Variants in NAALADL2 observed in about 807,000 individuals in gnomAD.
NAALADL2 encodes the protein N-acetylated alpha-linked acidic dipeptidase like 2.
A neutral mutation model predicts 87.2 loss-of-function variants in NAALADL2; 76 were observed. That is an observed-to-expected ratio of 0.87 (90% CI 0.72 to 1.05). The LOEUF (loss-of-function observed/expected upper bound fraction) is 1.05. Ranked by LOEUF, NAALADL2 falls within the 50% of genes least tolerant of loss-of-function variation. The pLI is 0.00. For synonymous variants in NAALADL2, 354 were observed against 331.0 expected (o/e 1.07, Z -0.75); for missense variants, 1,089 against 945.8 (o/e 1.15, Z -1.99).
At chr3:175,006,049 A>G (rs1452911336) in intron 1 of NAALADL2, among the ~76,000 whole-genome samples, 2 of 152,142 alleles carry the variant, frequency 1.3e-5, no homozygotes, top group Non-Finnish European at 2.9e-5. Context: ...CTGAAATGAA[A>G]TCTGTGCTTC....
chr3:175,449,910 T>C (rs149864308), intron 6 of NAALADL2, among the ~76,000 whole-genome samples: 2 of 152,220 alleles, frequency 1.3e-5, no homozygotes, highest in South Asian at 2.1e-4. Flanking sequence ...AAAATTGTTA[T>C]GTTTTTTAAA....
intron 4 of NAALADL2, among the ~76,000 whole-genome samples, chr3:175,267,435 G>C (rs1484275107): frequency 2.0e-5 from 3 of 151,976 alleles, no homozygotes; most frequent in Non-Finnish European, 2.9e-5. Context: ...AAAACCCTCT[G>C]TTCACATTGC....
At chr3:174,897,034 T>G (rs1196286733) in intron 1 of NAALADL2, among the ~76,000 whole-genome samples, 1 of 152,186 alleles carries the variant, frequency 6.6e-6, no homozygotes, top group East Asian at 1.9e-4. Flanking sequence ...ATTAAAGACT[T>G]AAATCTAAGA....
At chr3:174,469,109 T>G (rs1716733112) in intron 1 of NAALADL2, among the ~76,000 whole-genome samples, 1 of 152,178 alleles carries the variant, frequency 6.6e-6, no homozygotes, top group South Asian at 2.1e-4. Flanking sequence ...TTTAAGTTAT[T>G]TGAGAAAGAG....
At chr3:174,501,956 T>C (rs1718926324) in intron 1 of NAALADL2, among the ~76,000 whole-genome samples, 1 of 152,118 alleles carries the variant, frequency 6.6e-6, no homozygotes. Flanking sequence ...GTTCTTTTTC[T>C]CTTTTTTAAC....
chr3:174,898,926 G>A (rs967820222), intron 1 of NAALADL2, among the ~76,000 whole-genome samples: 2 of 152,128 alleles, frequency 1.3e-5, no homozygotes, highest in Admixed American at 1.3e-4. Flanking sequence ...TTGAGTAGTA[G>A]TTGCATGGGT....
chr3:174,643,221 T>G (rs1282741741), intron 2 of NAALADL2, among the ~76,000 whole-genome samples: 1 of 152,174 alleles, frequency 6.6e-6, no homozygotes, highest in East Asian at 1.9e-4. Context: ...GCTTACATTC[T>G]AGTGGCAATG....
intron 4 of NAALADL2, among the ~76,000 whole-genome samples, chr3:175,319,687 G>A (rs1012235002): frequency 1.3e-5 from 2 of 152,196 alleles, no homozygotes; most frequent in Middle Eastern, 3.2e-3. Flanking sequence ...ATGCATGGTG[G>A]TGCGCGCCTG....
intron 3 of NAALADL2, among the ~76,000 whole-genome samples, chr3:174,785,336 G>A (rs186411326): frequency 6.6e-6 from 1 of 152,134 alleles, no homozygotes; most frequent in African/African-American, 2.4e-5. Context: ...TGAGAGCATG[G>A]TATTTTATTT....
In NAALADL2 at chr3:175,292,844, T is replaced by C. The variant is rs564075014; in HGVS notation, c.940-31331T>C. Among the ~76,000 whole-genome samples the C allele has an allele frequency of 2.4e-4, 36 of 151,920 alleles. 2 individuals carry two copies. In the East Asian group the frequency reaches 7.0e-3, roughly 30 times the overall value. ...CGAGGTCAGGAGATCGAGACCATCC[T>C]GGCTAACACGGTGAAACCCCGTCTC... On this transcript the variant is annotated intron_variant, in intron 4 of 13. Coordinates refer to ENST00000454872, the MANE Select transcript of NAALADL2 (RefSeq NM_207015.3).
Position 175,112,685 on chromosome 3 carries a change from A to G in NAALADL2, c.545+15394A>G, listed in dbSNP as rs200965697. 2.0e-5 allele frequency: 3 copies of G among 151,702 alleles called. No individual in the cohort carries two copies. The East Asian group carries it at 5.8e-4, about 29-fold the overall frequency. 9.4% of individuals were successfully genotyped at this position (151,702 alleles called of 1,614,324 possible). ...ATTTAGTTGAATTAAAACATATTGA[A>G]TGCCTACTCTGTACATGGCATTCTA... On this transcript the variant is annotated intron_variant, in intron 2 of 13. Transcript: ENST00000454872.
intron 13 of NAALADL2, among the ~76,000 whole-genome samples, chr3:175,801,310 T>C (rs552336218): frequency 6.6e-6 from 1 of 152,226 alleles, no homozygotes; most frequent in South Asian, 2.1e-4. Flanking sequence ...GGTTTCCTAT[T>C]GCTTATAGGA....
intron 9 of NAALADL2, among the ~76,000 whole-genome samples, chr3:175,527,994 A>G (rs2149437213): frequency 6.6e-6 from 1 of 152,192 alleles, no homozygotes; most frequent in East Asian, 1.9e-4. Flanking sequence ...GAGATAAGAG[A>G]TGGCACTCTG....
intron 9 of NAALADL2, among the ~76,000 whole-genome samples, chr3:175,563,938 T>C (rs1276978676): frequency 1.3e-5 from 2 of 152,164 alleles, no homozygotes; most frequent in Admixed American, 1.3e-4. Context: ...ATCCTGAGGA[T>C]AGCAGTTAGT....
Position 175,807,269 on chromosome 3 carries a change from T to A in NAALADL2, c.*4066T>A, listed in dbSNP as rs1405439673. On this transcript the variant is annotated 3_prime_UTR_variant, in exon 14 of 14. Transcript: ENST00000454872. ...CAGAATAACCAATTGACTTTTTAAATTAAATAAACGTAGAGCATATAGTAA... is the reference window on the plus strand; with the variant it reads ...CAGAATAACCAATTGACTTTTTAAAATAAATAAACGTAGAGCATATAGTAA... 2.6e-5 allele frequency: 4 copies of A among 151,948 alleles called. No individual in the cohort carries two copies. Among genetic ancestry groups the A allele is most frequent in the Admixed American group, 6.6e-5 (1 of 15,190 alleles). 9.4% of individuals were successfully genotyped at this position (151,948 alleles called of 1,614,324 possible).
At chr3:175,398,883 G>A (rs545716853) in intron 5 of NAALADL2, among the ~76,000 whole-genome samples, 143 of 151,946 alleles carry the variant, frequency 9.4e-4, no homozygotes, top group Non-Finnish European at 1.5e-3. Context: ...TGGATCTTGC[G>A]CAAGAAAGAA....
rs551210436 is a variant in NAALADL2 at position 174,762,221 on chromosome 3, G to C, written c.-9+24475G>C. Among the ~76,000 whole-genome samples, 6 of 148,668 alleles carry C rather than the reference G, an allele frequency of 4.0e-5. No homozygotes were observed. In the South Asian group the frequency reaches 1.3e-3, roughly 32 times the overall value. The stretch of plus-strand genomic sequence containing the variant: ...GTCACCCAGGCTGGAGTGCAGTGGC[G>C]CCATCTCAGCTCACTGCAAGCTCCC... On this transcript the variant is annotated intron_variant, in intron 3 of 3. Coordinates refer to the NAALADL2 transcript ENST00000434257.
chr3:175,020,654 T>A (rs1442313302), intron 1 of NAALADL2, among the ~76,000 whole-genome samples: 1 of 152,088 alleles, frequency 6.6e-6, no homozygotes, highest in Non-Finnish European at 1.5e-5. Flanking sequence ...TCAGCTTTTT[T>A]CAACAACAAT....
intron 1 of NAALADL2, among the ~76,000 whole-genome samples, chr3:175,042,980 C>T (rs1444401134): frequency 1.3e-5 from 2 of 152,148 alleles, no homozygotes; most frequent in Non-Finnish European, 2.9e-5. Flanking sequence ...CTTGCTCTCT[C>T]TCTGTGTGAT....
Sources: gnomAD v4.1 joint callset for allele counts (sites outside exome capture counted in the v4.1 genomes callset) on GRCh38, gnomAD v4.1.1 for gene constraint, MANE v1.5 for transcripts, NCBI Gene and HGNC (gene_info 2026-07-23, HGNC 2026-07-21) for gene names.